Variants in AGBL1 observed in about 807,000 individuals in gnomAD.
AGBL1 encodes the protein AGBL carboxypeptidase 1.
A neutral mutation model predicts 118.9 loss-of-function variants in AGBL1; 130 were observed. The observed-to-expected ratio is 1.09, with a 90% confidence interval of 0.95 to 1.26. The LOEUF (loss-of-function observed/expected upper bound fraction) is 1.26. Among genes scored for constraint, AGBL1 ranks in the 50% most tolerant of loss-of-function variants. The pLI is 0.00. For synonymous variants in AGBL1, 555 were observed against 478.9 expected, an observed-to-expected ratio of 1.16 and a Z score of -2.08; for missense variants, 1,584 against 1,298.1, an observed-to-expected ratio of 1.22 and a Z score of -3.38.
chr15:86,304,055 C>T (rs892392434), intron 17 of AGBL1, among the ~76,000 whole-genome samples: 2 of 152,118 alleles, frequency 1.3e-5, no homozygotes, highest in Non-Finnish European at 2.9e-5. Flanking sequence ...AAATCCTTTA[C>T]CTTCAAGATA....
chr15:86,735,651 G>GATATATATATATATATATATATAT (rs1196938111), intron 22 of AGBL1, among the ~76,000 whole-genome samples: 3 of 111,122 alleles, frequency 2.7e-5, no homozygotes, highest in African/African-American at 1.3e-4. Context: ...CTGCTACAAA[G>GATATATATATATATATATATATAT]AGAGATATAT....
rs1361116147 is a variant in AGBL1 at position 86,695,347 on chromosome 15, T to C, written c.3158+20911T>C. Among the ~76,000 whole-genome samples the C allele has an allele frequency of 7.2e-5, 11 of 152,098 alleles. No individual in the cohort carries two copies. In the East Asian group the frequency reaches 1.9e-3, roughly 27 times the overall value. ...AGGGTTGTATATCTCCAAGAATTTA[T>C]CCATCTCCTCTAGGTTTTTTAGTTT... On this transcript the variant is annotated intron_variant, in intron 22 of 22. Transcript: ENST00000614907.
At chr15:86,232,037 C>CGGCCG (rs2078464349) in intron 6 of AGBL1, among the ~76,000 whole-genome samples, 1 of 152,132 alleles carries the variant, frequency 6.6e-6, no homozygotes, top group South Asian at 2.1e-4. Context: ...AGCCTCAGGC[C>CGGCCG]GGCCGATGAA....
chr15:86,237,399 G>C (rs2078569682), intron 6 of AGBL1, among the ~76,000 whole-genome samples: 1 of 152,152 alleles, frequency 6.6e-6, no homozygotes, highest in Non-Finnish European at 1.5e-5. Context: ...TCTGTACTCT[G>C]GCCAGAAGCA....
intron 7 of AGBL1, 130 bp downstream of exon 7, chr15:86,248,009 A>G: frequency 8.1e-7 from 1 of 1,234,028 alleles, no homozygotes. Flanking sequence ...CTAAGGGCGG[A>G]TGTTCTGGAT....
rs114059510 is a variant in AGBL1 at position 86,725,881 on chromosome 15, T to C, written c.3158+51445T>C. Among the ~76,000 whole-genome samples the C allele has an allele frequency of 6.1e-3, 925 of 152,314 alleles. 11 individuals carry two copies. Among genetic ancestry groups the C allele is most frequent in the African/African-American group, 0.021 (877 of 41,568 alleles). On this transcript the variant is annotated intron_variant, in intron 22 of 22. Transcript: ENST00000614907. ...ACTAAAGCCCTTCTAAGTATAGCTA[T>C]GATTGGAGGAAGAATATACTGGACT...
At chr15:86,335,145 T>A (rs1031599075) in intron 17 of AGBL1, among the ~76,000 whole-genome samples, 1 of 151,924 alleles carries the variant, frequency 6.6e-6, no homozygotes, top group Admixed American at 6.6e-5. Flanking sequence ...TAAGTTATTT[T>A]TTTTTTTTTT....
At chr15:86,198,169 C>A (rs1224227026) in intron 5 of AGBL1, among the ~76,000 whole-genome samples, 1 of 152,144 alleles carries the variant, frequency 6.6e-6, no homozygotes, top group Admixed American at 6.5e-5. Context: ...ATGCTTGGGA[C>A]TTGTCATCTC....
In AGBL1 at chr15:86,545,876, C is replaced by T. The variant is rs1044047844; in HGVS notation, c.2686-126C>T. 7 of 1,176,062 alleles carry T rather than the reference C, an allele frequency of 6.0e-6. No individual in the cohort carries two copies. The Admixed American group carries it at 1.5e-4, about 25-fold the overall frequency. 72.9% of individuals were successfully genotyped at this position (1,176,062 alleles called of 1,614,324 possible). A position where few individuals can be genotyped will look rare whatever the true frequency, so the allele number is the denominator to read the frequency against. On this transcript the variant is annotated intron_variant, in intron 19 of 22. Transcript: ENST00000614907. ...CATGGCTGGTCTGCTAACTCAACAG[C>T]ATCCGAGAAAGTTGACATTGTAAAC...
At chr15:86,260,180 A>AT (rs1482495468) in intron 9 of AGBL1, among the ~76,000 whole-genome samples, 1 of 152,208 alleles carries the variant, frequency 6.6e-6, no homozygotes, top group Non-Finnish European at 1.5e-5. Flanking sequence ...AGAAAACTGG[A>AT]TTTTCCCTGG....
chr15:86,199,812 T>C (rs1172903905), intron 5 of AGBL1, among the ~76,000 whole-genome samples: 1 of 152,238 alleles, frequency 6.6e-6, no homozygotes, highest in Non-Finnish European at 1.5e-5. Context: ...TCATAATTTA[T>C]ATTACTTGAA....
chr15:86,815,395 C>G (rs74027116), intron 22 of AGBL1, among the ~76,000 whole-genome samples: 265 of 152,216 alleles, frequency 1.7e-3, no homozygotes, highest in African/African-American at 6.0e-3. Flanking sequence ...TTCTGCTCTG[C>G]AAAACATTCT....
At chr15:86,346,233 G>A (rs888616937) in intron 17 of AGBL1, among the ~76,000 whole-genome samples, 5 of 152,066 alleles carry the variant, frequency 3.3e-5, no homozygotes, top group African/African-American at 7.2e-5. Flanking sequence ...TGCCCATCTC[G>A]GCCTCCCAAA....
At chr15:86,724,861 C>T (rs749736773) in intron 22 of AGBL1, among the ~76,000 whole-genome samples, 15 of 152,292 alleles carry the variant, frequency 9.8e-5, no homozygotes, top group South Asian at 4.1e-4. Context: ...GTTTCTCTTT[C>T]ACCTTCTGCC....
chr15:86,269,486 G>T (rs7176814), intron 13 of AGBL1, among the ~76,000 whole-genome samples: 5 of 152,094 alleles, frequency 3.3e-5, no homozygotes, highest in Admixed American at 1.3e-4. Flanking sequence ...ATAAAAAGGT[G>T]TGCTAATATT....
intron 22 of AGBL1, among the ~76,000 whole-genome samples, chr15:86,712,038 A>G (rs181233504): frequency 5.3e-5 from 8 of 152,298 alleles, no homozygotes; most frequent in Middle Eastern, 3.4e-3. Flanking sequence ...GCAAAGATAC[A>G]GAGCTGAGTG....
intron 16 of AGBL1, among the ~76,000 whole-genome samples, chr15:86,285,647 C>T (rs1428385231): frequency 3.3e-5 from 5 of 152,062 alleles, no homozygotes; most frequent in Admixed American, 6.6e-5. Flanking sequence ...GACCCAGTCT[C>T]GGGTATGTCT....
chr15:86,510,688 C>T (rs2083043401), intron 18 of AGBL1, among the ~76,000 whole-genome samples: 1 of 152,044 alleles, frequency 6.6e-6, no homozygotes, highest in East Asian at 1.9e-4. Flanking sequence ...TAATCCAAAG[C>T]AGACTACAGC....
At chr15:86,419,860 G>C (rs2081762145) in intron 18 of AGBL1, among the ~76,000 whole-genome samples, 1 of 152,172 alleles carries the variant, frequency 6.6e-6, no homozygotes, top group African/African-American at 2.4e-5. Flanking sequence ...AGTTAGGACT[G>C]GGCAGAGCCC....
Sources: gnomAD v4.1 joint callset for allele counts (sites outside exome capture counted in the v4.1 genomes callset) on GRCh38, gnomAD v4.1.1 for gene constraint, MANE v1.5 for transcripts, NCBI Gene and HGNC (gene_info 2026-07-23, HGNC 2026-07-21) for gene names.